The following CLHC1 variants were observed in gnomAD, a reference collection of about 807,000 sequenced individuals.
CLHC1 encodes clathrin heavy chain linker domain containing 1.
Under a neutral mutation model 69.5 loss-of-function variants are expected in CLHC1, and 72 were observed. The observed-to-expected ratio is 1.04, with a 90% CI of 0.86 to 1.26. The LOEUF is 1.26. Among genes scored for constraint, CLHC1 ranks in the 50% most tolerant of loss-of-function variants. The pLI, the probability that CLHC1 is intolerant of heterozygous loss-of-function variation, is 0.00. For missense variants in CLHC1, 790 were observed against 679.3 expected (o/e 1.16, Z -1.81); for synonymous variants, 223 against 224.3 (o/e 0.99, Z 0.05).
intron 9 of CLHC1, among the ~76,000 whole-genome samples, chr2:55,187,952 A>G (rs543805376): frequency 2.2e-4 from 33 of 152,296 alleles, no homozygotes; most frequent in African/African-American, 7.2e-4. Context: ...TGAGAAAAAT[A>G]TAGACAATCC....
chr2:55,201,674 T>C (rs777620230), intron 9 of CLHC1, among the ~76,000 whole-genome samples: 44 of 152,092 alleles, frequency 2.9e-4, no homozygotes, highest in Non-Finnish European at 6.2e-4. Context: ...ACAAGTCCAG[T>C]ATTACCCTGA....
At chr2:55,184,837 G>A (rs558405303) in intron 9 of CLHC1, among the ~76,000 whole-genome samples, 64 of 151,408 alleles carry the variant, frequency 4.2e-4, no homozygotes, top group Middle Eastern at 3.4e-3. Flanking sequence ...CCCAGGAAGC[G>A]GAGGTTGCAG....
At chr2:55,207,597 A>G (rs1383454093) in intron 8 of CLHC1, among the ~76,000 whole-genome samples, 1 of 152,230 alleles carries the variant, frequency 6.6e-6, no homozygotes, top group Non-Finnish European at 1.5e-5. Context: ...GGAATATTAC[A>G]TATGTTCATT....
At chr2:55,207,523 C>A (rs556939508) in intron 8 of CLHC1, among the ~76,000 whole-genome samples, 1 of 152,234 alleles carries the variant, frequency 6.6e-6, no homozygotes, top group South Asian at 2.1e-4. Flanking sequence ...TATATTTACC[C>A]CCTTCTTTTT....
chr2:55,194,007 C>A (rs1461471207), intron 9 of CLHC1, among the ~76,000 whole-genome samples: 3 of 152,092 alleles, frequency 2.0e-5, no homozygotes, highest in Non-Finnish European at 4.4e-5. Context: ...TGAAAGAAAC[C>A]TGTAACAAAA....
At chr2:55,208,758 A>G (rs1672683727) in intron 7 of CLHC1, 48 bp from the exon 8 acceptor site, 5 of 1,261,562 alleles carry the variant, frequency 4.0e-6, no homozygotes, top group Middle Eastern at 1.9e-4. Flanking sequence ...GTTACTTACC[A>G]ATAGAAAACA....
At position 55,174,481 on chromosome 2, in the gene CLHC1, G is replaced by C. The variant is rs1160016035; in HGVS notation, c.*1309C>G. On this transcript the variant is annotated 3_prime_UTR_variant, in exon 13 of 13. Coordinates refer to ENST00000401408, the MANE Select transcript of CLHC1 (RefSeq NM_152385.4). ...TAAGTAGAGAAATGTGTGTTTCTGGGGCCGATTACAAAGGAATTACAGCTA... is the reference window on the plus strand; with the variant it reads ...TAAGTAGAGAAATGTGTGTTTCTGGCGCCGATTACAAAGGAATTACAGCTA... Among the ~76,000 whole-genome samples the C allele has an allele frequency of 6.6e-6, 1 of 152,130 alleles. No individual in the cohort carries two copies. Among genetic ancestry groups the C allele is most frequent in the African/African-American group, 2.4e-5 (1 of 41,428 alleles).
At chr2:55,192,955 A>G (rs967662688) in intron 9 of CLHC1, among the ~76,000 whole-genome samples, 15 of 146,002 alleles carry the variant, frequency 1.0e-4, no homozygotes, top group Admixed American at 9.1e-4. Context: ...CAGTGGCATG[A>G]TATCAGCTCA....
chr2:55,223,795 G>A (rs1674412957), intron 2 of CLHC1, among the ~76,000 whole-genome samples: 1 of 151,782 alleles, frequency 6.6e-6, no homozygotes. Flanking sequence ...CGATCGGATC[G>A]TAACTTTTTT....
At chr2:55,207,124 A>G (rs533306720) in intron 8 of CLHC1, among the ~76,000 whole-genome samples, 153 of 152,026 alleles carry the variant, frequency 1.0e-3, no homozygotes, top group Admixed American at 1.4e-3. Flanking sequence ...GAAAAAAAAA[A>G]AAATGAAGCT....
intron 9 of CLHC1, among the ~76,000 whole-genome samples, chr2:55,187,998 CA>C: frequency 6.6e-6 from 1 of 152,144 alleles, no homozygotes; most frequent in African/African-American, 2.4e-5. Context: ...AAGTACTTCA[CA>C]AAATGGGAAA....
Position 55,206,359 on chromosome 2 carries a change from G to A in CLHC1, c.917C>T (p.Ser306Leu), listed in dbSNP as rs1275434194. Residue 306 changes from serine to leucine, a missense_variant, in exon 9 of 13, where the codon TCA (serine) becomes TTA (leucine). Ser to Leu is a moderately radical substitution (Grantham distance 145). Transcript: ENST00000401408. ...HYIERFNELISLGEYEKAACY... is the reference protein window; with the variant it reads ...HYIERFNELILLGEYEKAACY... ...AGCTGCCTTTTCATATTCACCAAGT[G>A]AGATTAACTCATTAAACCTATAGCC... 21 of 1,600,896 alleles carry A rather than the reference G, an allele frequency of 1.3e-5. No individual in the cohort carries two copies. Among genetic ancestry groups the A allele is most frequent in the Admixed American group, 1.7e-5 (1 of 59,936 alleles).
intron 7 of CLHC1, among the ~76,000 whole-genome samples, 155 bp from the exon 8 acceptor site, chr2:55,208,865 CTTTTTT>C (rs142601208): frequency 1.1e-5 from 1 of 90,820 alleles, no homozygotes. Flanking sequence ...TCCCTTTCCT[CTTTTTT>C]TTTTTTTTTT....
intron 5 of CLHC1, 150 bp downstream of exon 5, chr2:55,212,523 T>G (rs1340357951): frequency 1.1e-5 from 7 of 634,944 alleles, no homozygotes; most frequent in African/African-American, 3.7e-5. Context: ...TTCCCTTGAA[T>G]CTACCTACAG....
intron 4 of CLHC1, 150 bp from the exon 5 acceptor site, chr2:55,212,956 G>T: frequency 1.6e-6 from 1 of 619,962 alleles, no homozygotes; most frequent in Non-Finnish European, 2.8e-6. Context: ...CCTCACAAAT[G>T]AGGAAGAATT....
chr2:55,219,237 T>A (rs1255389498), intron 3 of CLHC1, among the ~76,000 whole-genome samples: 1 of 152,154 alleles, frequency 6.6e-6, no homozygotes, highest in African/African-American at 2.4e-5. Context: ...AATGAGTAGG[T>A]AATAAATATG....
intron 11 of CLHC1, among the ~76,000 whole-genome samples, chr2:55,180,279 T>G (rs1669800389): frequency 6.6e-6 from 1 of 152,210 alleles, no homozygotes; most frequent in Admixed American, 6.5e-5. Context: ...TCTGGCTTAT[T>G]AAATGTTTGT....
intron 2 of CLHC1, among the ~76,000 whole-genome samples, chr2:55,223,395 G>C (rs1348835498): frequency 6.6e-6 from 1 of 152,146 alleles, no homozygotes; most frequent in Non-Finnish European, 1.5e-5. Flanking sequence ...GCATTATGCC[G>C]CTTTCAGTAA....
At chr2:55,226,546 GTTT>G (rs1674727427) in intron 2 of CLHC1, among the ~76,000 whole-genome samples, 1 of 151,950 alleles carries the variant, frequency 6.6e-6, no homozygotes, top group African/African-American at 2.4e-5. Flanking sequence ...TTGTTAAATC[GTTT>G]TTTAAAACAT....
Sources: allele counts gnomAD v4.1 joint callset (sites outside exome capture counted in the v4.1 genomes callset), GRCh38; gene constraint gnomAD v4.1.1; transcripts MANE v1.5; gene names NCBI Gene and HGNC (gene_info 2026-07-23, HGNC 2026-07-21).